Variants in SCAMP1 observed in about 807,000 individuals in gnomAD.
The protein encoded by SCAMP1 is secretory carrier-associated membrane protein 1.
Under a neutral mutation model 41.8 loss-of-function variants are expected in SCAMP1, and 15 were observed. The observed-to-expected ratio is 0.36, with a 90% CI of 0.24 to 0.55. SCAMP1 has a LOEUF of 0.55. SCAMP1 is among the 20% of genes least tolerant of loss of function. The pLI is 0.86. For synonymous variants in SCAMP1, 135 were observed against 136.8 expected, an observed-to-expected ratio of 0.99 and a Z score of 0.09; for missense variants, 341 against 412.6, an observed-to-expected ratio of 0.83 and a Z score of 1.50.
rs1050557054 is a variant in SCAMP1 at position 78,449,848 on chromosome 5, A to G, written c.633-85A>G. 13 of 755,910 alleles carry G rather than the reference A, an allele frequency of 1.7e-5. No individual in the cohort carries two copies. The South Asian group carries it at 2.1e-4, about 12-fold the overall frequency. 46.8% of individuals were successfully genotyped at this position (755,910 alleles called of 1,614,324 possible). On this transcript the variant is annotated intron_variant, in intron 6 of 8. Transcript: ENST00000621999. ...TGAATGTCATTCTGCAGGTAAATGT[A>G]AAGATAATGAGAAAAATGACGTTTT...
At chr5:78,368,943 C>A (rs1207780277) in intron 1 of SCAMP1, among the ~76,000 whole-genome samples, 1 of 151,852 alleles carries the variant, frequency 6.6e-6, no homozygotes, top group African/African-American at 2.4e-5. Context: ...CCTGACAATG[C>A]TCTTTTGGTA....
intron 7 of SCAMP1, among the ~76,000 whole-genome samples, chr5:78,457,067 A>C (rs1753427220): frequency 8.5e-6 from 1 of 117,156 alleles, no homozygotes; most frequent in African/African-American, 3.8e-5. Context: ...TGTATTGGTT[A>C]TTCTAGTTAT....
At chr5:78,409,175 T>C (rs1752006504) in intron 2 of SCAMP1, among the ~76,000 whole-genome samples, 1 of 152,098 alleles carries the variant, frequency 6.6e-6, no homozygotes, top group Non-Finnish European at 1.5e-5. Context: ...TGGTGAATGG[T>C]TTGGTATCAA....
intron 8 of SCAMP1, among the ~76,000 whole-genome samples, chr5:78,469,890 T>TAAAAAAAAAAAAAAAAAA (rs141989832): frequency 1.3e-4 from 2 of 15,024 alleles, no homozygotes; most frequent in African/African-American, 2.9e-4. Context: ...TACAAGACAT[T>TAAAAAAAAAAAAAAAAAA]AAAAAAAAAA....
rs539028732 is a variant in SCAMP1, at chr5:78,446,352, AAG to A, written c.633-3579_633-3578del. 3.4e-3 allele frequency among the ~76,000 whole-genome samples: 522 copies of A among 152,354 alleles called. 6 individuals are homozygous for A. Among genetic ancestry groups the A allele is most frequent in the African/African-American group, 0.012 (505 of 41,592 alleles). On this transcript the variant is annotated intron_variant, in intron 6 of 8. Coordinates refer to ENST00000621999, the MANE Select transcript of SCAMP1 (RefSeq NM_004866.6). ...CAGTTTCAGCTTCTAGAATGTGTCT[AAG>A]AATTTGGAACAAGGTAATGGACATA...
At chr5:78,410,790 A>G (rs1752056268) in intron 2 of SCAMP1, among the ~76,000 whole-genome samples, 1 of 152,208 alleles carries the variant, frequency 6.6e-6, no homozygotes, top group Non-Finnish European at 1.5e-5. Context: ...CTTTTTCTCC[A>G]TAACCTCGCC....
intron 1 of SCAMP1, among the ~76,000 whole-genome samples, chr5:78,378,452 G>A (rs989530752): frequency 1.5e-4 from 23 of 152,176 alleles, no homozygotes; most frequent in African/African-American, 4.6e-4. Flanking sequence ...TACAATGCAT[G>A]GTGTAGGAGA....
intron 6 of SCAMP1, among the ~76,000 whole-genome samples, chr5:78,448,829 C>G (rs1023822383): frequency 5.9e-5 from 9 of 151,944 alleles, no homozygotes; most frequent in Non-Finnish European, 1.2e-4. Context: ...GGAGAAACCC[C>G]CTCTCTACTA....
intron 6 of SCAMP1, among the ~76,000 whole-genome samples, chr5:78,442,548 C>T (rs982183531): frequency 2.6e-5 from 4 of 152,150 alleles, no homozygotes; most frequent in African/African-American, 7.2e-5. Flanking sequence ...TGTGAGCCAC[C>T]GCGCCCGGCT....
intron 2 of SCAMP1, among the ~76,000 whole-genome samples, chr5:78,391,112 T>A (rs565792900): frequency 7.0e-6 from 1 of 143,368 alleles, no homozygotes; most frequent in Non-Finnish European, 1.6e-5. Context: ...TTTCCCCCCT[T>A]TCCACTCCAC....
chr5:78,396,122 A>G (rs995117404), intron 2 of SCAMP1, among the ~76,000 whole-genome samples: 1 of 152,188 alleles, frequency 6.6e-6, no homozygotes, highest in Non-Finnish European at 1.5e-5. Context: ...TCCTTGAAAC[A>G]TAGAGGATTT....
At chr5:78,453,090 T>G (rs1423632104) in intron 7 of SCAMP1, among the ~76,000 whole-genome samples, 1 of 149,808 alleles carries the variant, frequency 6.7e-6, no homozygotes, top group Non-Finnish European at 1.5e-5. Context: ...TATTAGCCCT[T>G]TGTCAGACGA....
chr5:78,423,848 C>CTT (rs5868920), intron 6 of SCAMP1, among the ~76,000 whole-genome samples: 4,860 of 146,616 alleles, frequency 0.033, 250 homozygotes, highest in African/African-American at 0.1. Context: ...GAGAGGAATA[C>CTT]TTTTTTTTTT....
chr5:78,442,723 T>G (rs1752956650), intron 6 of SCAMP1, among the ~76,000 whole-genome samples: 1 of 152,246 alleles, frequency 6.6e-6, no homozygotes, highest in South Asian at 2.1e-4. Flanking sequence ...TGTTTAAGCT[T>G]TCTACATTGA....
chr5:78,440,987 T>TGGGCGTGGGACCCTCCGAGCC, intron 6 of SCAMP1, among the ~76,000 whole-genome samples: 1 of 152,334 alleles, frequency 6.6e-6, no homozygotes, highest in African/African-American at 2.4e-5. Context: ...CAAGGCTCTG[T>TGGGCGTGGGACCCTCCGAGCC]GGGCGTGGGA....
intron 1 of SCAMP1, among the ~76,000 whole-genome samples, chr5:78,384,815 T>TTG (rs1751303007): frequency 6.6e-6 from 1 of 152,194 alleles, no homozygotes; most frequent in Non-Finnish European, 1.5e-5. Flanking sequence ...TTGATTATGG[T>TTG]GGATTATCTT....
Position 78,480,736 on chromosome 5 carries a change from G to A in SCAMP1, c.*5068G>A, listed in dbSNP as rs984793655. ...AAAATAAAAATAAATCCTTAATTCT[G>A]TCATCTTGGGGTACCTCTGCTAATA... On this transcript the variant is annotated 3_prime_UTR_variant, in exon 9 of 9. Coordinates refer to ENST00000621999, the MANE Select transcript of SCAMP1 (RefSeq NM_004866.6). Among the ~76,000 whole-genome samples, 3 of 152,006 alleles carry A rather than the reference G, an allele frequency of 2.0e-5. No individual in the cohort carries two copies. Among genetic ancestry groups the A allele is most frequent in the African/African-American group, 4.8e-5 (2 of 41,378 alleles).
chr5:78,370,944 A>G (rs371695421), intron 1 of SCAMP1: 2 of 152,134 alleles, frequency 1.3e-5, no homozygotes, highest in African/African-American at 4.8e-5. Flanking sequence ...GAATCTTCTC[A>G]TTTGCTTATT....
At chr5:78,419,329 A>G (rs1752284055) in intron 5 of SCAMP1, among the ~76,000 whole-genome samples, 1 of 152,218 alleles carries the variant, frequency 6.6e-6, no homozygotes, top group Middle Eastern at 3.2e-3. Context: ...AAATTATTAC[A>G]TAAACTAAGT....
Sources: gnomAD v4.1 joint callset for allele counts (sites outside exome capture counted in the v4.1 genomes callset) on GRCh38, gnomAD v4.1.1 for gene constraint, MANE v1.5 for transcripts, NCBI Gene and HGNC (gene_info 2026-07-23, HGNC 2026-07-21) for gene names.